The following ZFYVE1 variants were observed in gnomAD, a reference collection of about 807,000 sequenced individuals.
ZFYVE1 encodes the protein zinc finger FYVE domain-containing protein 1.
Under a neutral mutation model 74.4 loss-of-function variants are expected in ZFYVE1, and 30 were observed. The observed-to-expected ratio is 0.40, with a 90% CI of 0.30 to 0.55. The LOEUF (loss-of-function observed/expected upper bound fraction) is 0.55. Ranked by LOEUF, ZFYVE1 falls within the 20% of genes least tolerant of loss-of-function variation. The probability of loss-of-function intolerance (pLI) is 0.42; values close to 1 mark genes in which losing one functional copy is unlikely to be tolerated. For synonymous variants in ZFYVE1, 335 were observed against 385.1 expected (o/e 0.87, Z 1.52); for missense variants, 703 against 1,011.6 (o/e 0.69, Z 4.14).
chr14:72,995,266 G>A (rs770485499), intron 3 of ZFYVE1, among the ~76,000 whole-genome samples: 19 of 151,906 alleles, frequency 1.3e-4, no homozygotes, highest in African/African-American at 4.1e-4. Context: ...TTGACTAATT[G>A]TTGTATTTTT....
chr14:73,010,529 G>A (rs1231133044), intron 2 of ZFYVE1, among the ~76,000 whole-genome samples: 1 of 151,910 alleles, frequency 6.6e-6, no homozygotes, highest in Non-Finnish European at 1.5e-5. Flanking sequence ...TGAACCGGGA[G>A]GCAAAGGATG....
chr14:72,990,038 TAG>T (rs1322822269), intron 4 of ZFYVE1, among the ~76,000 whole-genome samples: 1 of 152,238 alleles, frequency 6.6e-6, no homozygotes, highest in Non-Finnish European at 1.5e-5. Context: ...AAACTTTAGT[TAG>T]AGTCTATTTT....
At chr14:72,989,128 A>G (rs1893552681) in intron 4 of ZFYVE1, among the ~76,000 whole-genome samples, 1 of 151,856 alleles carries the variant, frequency 6.6e-6, no homozygotes, top group Non-Finnish European at 1.5e-5. Flanking sequence ...GGGTTTCACT[A>G]TGTTGGCCAG....
chr14:72,969,810 T>G lies in ZFYVE1; in HGVS notation c.*1072A>C, dbSNP rs1892983569. On this transcript the variant is annotated 3_prime_UTR_variant, in exon 12 of 12. Coordinates refer to ENST00000556143, the MANE Select transcript of ZFYVE1 (RefSeq NM_021260.4). ...ACTTCTCTTGCAAGGACCAAAGAGA[T>G]AAATTTTTTCTTTACGATCTGTTGA... 4.4e-6 allele frequency: 3 copies of G among 682,638 alleles called. No homozygotes were observed. The highest frequency in any genetic ancestry group is 7.9e-6 in the Non-Finnish European group (3 of 379,788). 42.3% of individuals were successfully genotyped at this position (682,638 alleles called of 1,614,324 possible).
chr14:72,983,345 C>A (rs59881952), intron 4 of ZFYVE1, among the ~76,000 whole-genome samples: 1 of 131,318 alleles, frequency 7.6e-6, no homozygotes, highest in Non-Finnish European at 1.6e-5. Context: ...TATCCTTCCC[C>A]CCTCCCCCCC....
At chr14:72,976,655 C>T (rs543161619) in intron 8 of ZFYVE1, among the ~76,000 whole-genome samples, 3 of 151,854 alleles carry the variant, frequency 2.0e-5, no homozygotes, top group Non-Finnish European at 2.9e-5. Flanking sequence ...TGGTAGCACG[C>T]GCCTGTAATC....
chr14:72,978,065 T>G, intron 7 of ZFYVE1, 21 bp from the exon 8 acceptor site: 1 of 1,614,046 alleles, frequency 6.2e-7, no homozygotes, highest in East Asian at 2.2e-5. Flanking sequence ...AGCAAATCAA[T>G]ACTGTTACCC....
At chr14:72,987,465 G>A (rs1893509000) in intron 4 of ZFYVE1, among the ~76,000 whole-genome samples, 1 of 152,166 alleles carries the variant, frequency 6.6e-6, no homozygotes, top group Non-Finnish European at 1.5e-5. Flanking sequence ...CTACTTGAGA[G>A]GCTGCGGTGG....
Position 72,975,022 on chromosome 14 carries a change from G to A in ZFYVE1, c.1807-63C>T. 2 of 1,517,482 alleles carry A rather than the reference G, an allele frequency of 1.3e-6. No individual in the cohort carries two copies. Among genetic ancestry groups the A allele is most frequent in the South Asian group, 1.3e-5 (1 of 77,186 alleles). The allele number at this position is 1,517,482 out of a possible 1,614,324, so 94.0% of individuals were successfully genotyped here. ...GTATGGTACATGTCTGCTCAGCTGA[G>A]AAAGTCAACAAGACCCCGGAGCAAG... is the stretch of plus-strand genomic sequence containing the variant. On this transcript the variant is annotated intron_variant, in intron 9 of 11. Coordinates refer to ENST00000556143, the MANE Select transcript of ZFYVE1 (RefSeq NM_021260.4). The surrounding 1 kb of genome is among the most constrained non-coding windows in gnomAD (Gnocchi z 4.1).
chr14:72,981,651 T>C, intron 5 of ZFYVE1, 138 bp downstream of exon 5: 1 of 778,860 alleles, frequency 1.3e-6, no homozygotes, highest in Non-Finnish European at 2.1e-6. Context: ...GAGTGTACCA[T>C]TTTGGATAAT....
intron 2 of ZFYVE1, among the ~76,000 whole-genome samples, chr14:73,016,569 T>C (rs1235143637): frequency 3.3e-5 from 5 of 151,504 alleles, no homozygotes; most frequent in Non-Finnish European, 7.4e-5. Flanking sequence ...CTAGTACAGT[T>C]CCACCGAGGC....
chr14:73,014,353 G>C (rs1033425723), intron 2 of ZFYVE1, among the ~76,000 whole-genome samples: 9 of 152,126 alleles, frequency 5.9e-5, no homozygotes, highest in Admixed American at 2.6e-4. Flanking sequence ...TCTTTCTTTT[G>C]GTCTGAGTCA....
intron 2 of ZFYVE1, among the ~76,000 whole-genome samples, chr14:73,017,627 T>C (rs1471572708): frequency 6.6e-6 from 1 of 152,188 alleles, no homozygotes; most frequent in Admixed American, 6.6e-5. Context: ...TGAGTTCTCC[T>C]ACTCCCTCAC....
chr14:73,014,455 T>C (rs1163874931), intron 2 of ZFYVE1, among the ~76,000 whole-genome samples: 1 of 152,216 alleles, frequency 6.6e-6, no homozygotes, highest in Non-Finnish European at 1.5e-5. Context: ...TGAGTTTCTT[T>C]GTGTTAAAGG....
At position 72,998,319 on chromosome 14, in the gene ZFYVE1, C is replaced by CCCA; in HGVS notation, c.484-5_484-4insTGG. 1 of 1,221,070 alleles carries CCCA rather than the reference C, an allele frequency of 8.2e-7. No homozygotes were observed. The highest frequency in any genetic ancestry group is 3.1e-5 in the Admixed American group (1 of 32,648). The allele number at this position is 1,221,070 out of a possible 1,614,324, so 75.6% of individuals were successfully genotyped here. A position where few individuals can be genotyped will look rare whatever the true frequency, so the allele number is the denominator to read the frequency against. ...TAAAGTCTTCTTCATTTGTTACCTG[C>CCCA]AAAAAAAAAAAAAAAGACCATGAAA... On this transcript the variant is annotated splice_region_variant and splice_polypyrimidine_tract_variant and intron_variant, in intron 2 of 11. Coordinates refer to ENST00000556143, the MANE Select transcript of ZFYVE1 (RefSeq NM_021260.4).
At chr14:72,972,019 C>T (rs1594826767) in intron 11 of ZFYVE1, among the ~76,000 whole-genome samples, 3 of 152,044 alleles carry the variant, frequency 2.0e-5, no homozygotes, top group East Asian at 1.9e-4. Flanking sequence ...GTCAGGAGTT[C>T]GAGACCAGCC....
intron 1 of ZFYVE1, among the ~76,000 whole-genome samples, chr14:73,025,591 GA>G (rs1566567097): frequency 6.6e-6 from 1 of 150,824 alleles, no homozygotes; most frequent in African/African-American, 2.4e-5. Flanking sequence ...AGCTACTAGG[GA>G]GGCTGAGGCA....
Position 72,969,814 on chromosome 14 carries a change from T to C in ZFYVE1, c.*1068A>G. The C allele has an allele frequency of 5.9e-6, 4 of 681,400 alleles. No individual in the cohort carries two copies. Among genetic ancestry groups the C allele is most frequent in the Admixed American group, 2.3e-5 (1 of 42,810 alleles). 42.2% of individuals were successfully genotyped at this position (681,400 alleles called of 1,614,324 possible). On this transcript the variant is annotated 3_prime_UTR_variant, in exon 12 of 12. Coordinates refer to ENST00000556143, the MANE Select transcript of ZFYVE1 (RefSeq NM_021260.4). ...CTCTTGCAAGGACCAAAGAGATAAA[T>C]TTTTTCTTTACGATCTGTTGAAATA...
chr14:72,978,492 A>T lies in ZFYVE1; in HGVS notation c.1420-258T>A, dbSNP rs2806026. On this transcript the variant is annotated intron_variant, in intron 6 of 11. Transcript: ENST00000556143. ...TCAGGCAGGAGAATTGCTGCAGCCC[A>T]GGAGGTGGAGGTTGCAGTAAGCCAA... Among the ~76,000 whole-genome samples the T allele has an allele frequency of 1.3e-5, 2 of 149,356 alleles. No individual in the cohort carries two copies. Among genetic ancestry groups the T allele is most frequent in the Non-Finnish European group, 3.0e-5 (2 of 67,670 alleles).
Sources: allele counts gnomAD v4.1 joint callset (sites outside exome capture counted in the v4.1 genomes callset), GRCh38; gene constraint gnomAD v4.1.1; non-coding constraint Gnocchi (gnomAD v3.1); transcripts MANE v1.5; gene names NCBI Gene and HGNC (gene_info 2026-07-23, HGNC 2026-07-21).